The following ACTN3 variants were observed in gnomAD, a reference collection of about 807,000 sequenced individuals.
ACTN3 encodes actinin alpha 3, also known as alpha-actinin-3.
ACTN3 carries 91 observed loss-of-function variants against 119.6 expected under a neutral mutation model. The ratio of observed to expected loss-of-function variants is 0.76; its 90% CI spans 0.64 to 0.91. The LOEUF is 0.91. ACTN3 is among the 40% of genes least tolerant of loss of function. The pLI, the probability that ACTN3 is intolerant of heterozygous loss-of-function variation, is 0.00. For synonymous variants in ACTN3, 456 were observed against 478.8 expected, an observed-to-expected ratio of 0.95 and a Z score of 0.62; for missense variants, 1,221 against 1,215.1, an observed-to-expected ratio of 1.00 and a Z score of -0.07.
chr11:66,555,057 G>C, intron 5 of ACTN3, 73 bp from the exon 6 acceptor site: 1 of 1,351,756 alleles, frequency 7.4e-7, no homozygotes, highest in South Asian at 1.2e-5. Context: ...CTTCTGGGGG[G>C]TGCTCCTGGG....
At position 66,563,288 on chromosome 11, in the gene ACTN3, C is replaced by A; in HGVS notation, c.*95C>A. Reference sequence around the variant, plus strand: ...TCGGAGCAAGGGCCTAAGAGAAAAGCCAGCCAAGTGCTTCTGAATAAAGAT... The same window carrying A: ...TCGGAGCAAGGGCCTAAGAGAAAAGACAGCCAAGTGCTTCTGAATAAAGAT... On this transcript the variant is annotated 3_prime_UTR_variant, in exon 21 of 21. Coordinates refer to ENST00000513398, the MANE Select transcript of ACTN3 (RefSeq NM_001104.4). The A allele has an allele frequency of 2.1e-6, 3 of 1,416,744 alleles. No individual in the cohort carries two copies. The highest frequency in any genetic ancestry group is 2.4e-5 in the East Asian group (1 of 42,110). The allele number at this position is 1,416,744 out of a possible 1,614,324, so 87.8% of individuals were successfully genotyped here.
In ACTN3 at chr11:66,560,659, G is replaced by C; in HGVS notation, c.1764G>C (p.Glu588Asp). The C allele has an allele frequency of 1.2e-6, 2 of 1,613,902 alleles. No individual in the cohort carries two copies. Among genetic ancestry groups the C allele is most frequent in the Non-Finnish European group, 1.7e-6 (2 of 1,179,880 alleles). The change falls in exon 15 of 21, where the codon GAG (glutamate) becomes GAC (aspartate). Residue 588 changes from glutamate (E) to aspartate (D), a missense_variant. Glu to Asp is a conservative substitution (Grantham distance 45, BLOSUM62 2). Coordinates refer to ENST00000513398, the MANE Select transcript of ACTN3 (RefSeq NM_001104.4). ...GTGCCATCATGGGCATCCAGGGTGA[G>C]ATCCAGAAGATCTGCCAGACGTATG... ...ERGAIMGIQG[E>D]IQKICQTYGL...
Position 66,562,052 on chromosome 11 carries a change from A to T in ACTN3, c.2206A>T (p.Thr736Ser). 6.2e-6 allele frequency: 10 copies of T among 1,612,874 alleles called. No individual in the cohort carries two copies. The highest frequency in any genetic ancestry group is 8.5e-6 in the Non-Finnish European group (10 of 1,179,558). ...HIRVGWEQLL[T>S]SIARTINEVE... ...CCGCGTGGGCTGGGAGCAGCTGCTC[A>T]CCTCCATTGCCCGCACCATCAATGA... is the stretch of plus-strand genomic sequence containing the variant. Residue 736 changes from threonine (T) to serine (S), a missense_variant, in exon 18 of 21, where the codon ACC becomes TCC. Thr to Ser is a moderately conservative substitution (Grantham distance 58). Coordinates refer to ENST00000513398, the MANE Select transcript of ACTN3 (RefSeq NM_001104.4).
rs367706008 is a variant in ACTN3, at chr11:66,554,116, G to T, written c.454G>T (p.Asp152Tyr). 2 of 1,613,774 alleles carry T rather than the reference G, an allele frequency of 1.2e-6. No homozygotes were observed. The highest frequency in any genetic ancestry group is 1.7e-6 in the Non-Finnish European group (2 of 1,179,962). ...WTIILRFAIQ[D>Y]ISVEETSAKE... ...CATCATCCTTCGCTTCGCCATCCAG[G>T]ACATCTCTGTGGAAGGTGAGCAATG... Residue 152 changes from aspartate (D) to tyrosine (Y), a missense_variant, in exon 4 of 21, where the codon GAC becomes TAC. This residue lies in a region of ACTN3 where 239 missense variants were observed against 231.8 expected (regional missense o/e 1.03). Transcript: ENST00000513398.
Position 66,546,960 on chromosome 11 carries a change from A to T in ACTN3, c.23A>T (p.Glu8Val), listed in dbSNP as rs369792497. Residue 8 changes from glutamate to valine, a missense_variant, in exon 1 of 21, where the codon GAG becomes GTG. Physicochemically the swap from Glu to Val is moderately radical, Grantham distance 121. This residue lies in a region of ACTN3 where 239 missense variants were observed against 231.8 expected (regional missense o/e 1.03). Transcript: ENST00000513398. Reference protein sequence around the residue: MMMVMQPEGLGAGEGRFA... With the variant: MMMVMQPVGLGAGEGRFA... ...GAGATGATGATGGTTATGCAGCCCG[A>T]GGGTCTGGGGGCCGGGGAGGGGCGC... The T allele has an allele frequency of 4.6e-6, 7 of 1,532,068 alleles. 1 individual carries two copies. The African/African-American group carries it at 9.7e-5, about 21-fold the overall frequency. The allele number at this position is 1,532,068 out of a possible 1,614,324, so 94.9% of individuals were successfully genotyped here. A position where few individuals can be genotyped will look rare whatever the true frequency, so the allele number is the denominator to read the frequency against.
At chr11:66,554,773 A>G (rs1443174443) in intron 5 of ACTN3, 150 bp downstream of exon 5, 1 of 670,254 alleles carries the variant, frequency 1.5e-6, no homozygotes, top group Non-Finnish European at 2.5e-6. Flanking sequence ...AGTGTCTGAA[A>G]AGAGGGCTCA....
In ACTN3 at chr11:66,563,153, T is replaced by C. The variant is rs1359559734; in HGVS notation, c.2666T>C (p.Val889Ala). ...GCCCCGGCTGGAGCCCTGGACTACGTGGCCTTCTCCAGTGCCCTCTATGGG... is the reference window on the plus strand; with the variant it reads ...GCCCCGGCTGGAGCCCTGGACTACGCGGCCTTCTCCAGTGCCCTCTATGGG... ...SGAPAGALDY[V>A]AFSSALYGES... Residue 889 changes from valine (V) to alanine (A), a missense_variant, in exon 21 of 21, where the codon GTG (valine) becomes GCG (alanine). Val to Ala is a moderately conservative substitution (Grantham distance 64). Coordinates refer to ENST00000513398, the MANE Select transcript of ACTN3 (RefSeq NM_001104.4). 6.2e-7 allele frequency: 1 copy of C among 1,613,058 alleles called. No individual in the cohort carries two copies. Among genetic ancestry groups the C allele is most frequent in the Non-Finnish European group, 8.5e-7 (1 of 1,179,528 alleles).
At chr11:66,553,993 A>C (rs1342298113) in intron 3 of ACTN3, 52 bp from the exon 4 acceptor site, 35 of 1,534,128 alleles carry the variant, frequency 2.3e-5, no homozygotes, top group Non-Finnish European at 4.5e-6. Context: ...GAGGCCAGAT[A>C]GCACAGACCT....
At position 66,555,306 on chromosome 11, in the gene ACTN3, G is replaced by C. The variant is rs1390663227; in HGVS notation, c.657G>C (p.Leu219=). The C allele has an allele frequency of 6.2e-7, 1 of 1,614,058 alleles. No homozygotes were observed. Among genetic ancestry groups the C allele is most frequent in the Non-Finnish European group, 8.5e-7 (1 of 1,179,966 alleles). The change falls in exon 7 of 21, where the codon CTG becomes CTC. Residue 219 remains leucine, a synonymous_variant. Coordinates refer to ENST00000513398, the MANE Select transcript of ACTN3 (RefSeq NM_001104.4). ...KLRKDDPIGN[L]NTAFEVAEKY... ...TCTAGGATGACCCCATCGGAAACCT[G>C]AACACTGCCTTTGAGGTGGCAGAGA...
In ACTN3 at chr11:66,546,973, CG is replaced by C. The variant is rs1335753460; in HGVS notation, c.40del (p.Glu14ArgfsTer121). Reference sequence around the variant, plus strand: ...TTATGCAGCCCGAGGGTCTGGGGGCCGGGGAGGGGCGCTTTGCGGGCGGCGG... The same window carrying C: ...TTATGCAGCCCGAGGGTCTGGGGGCCGGGAGGGGCGCTTTGCGGGCGGCGG... ...MVMQPEGLGA[G>X]EGRFAGGGGG... On this transcript the variant is annotated frameshift_variant, in exon 1 of 21. Coordinates refer to ENST00000513398, the MANE Select transcript of ACTN3 (RefSeq NM_001104.4). LOFTEE classifies it high-confidence loss of function. 6.6e-7 allele frequency: 1 copy of C among 1,521,960 alleles called. No individual in the cohort carries two copies. The highest frequency in any genetic ancestry group is 8.8e-7 in the Non-Finnish European group (1 of 1,138,426). The allele number at this position is 1,521,960 out of a possible 1,614,324, so 94.3% of individuals were successfully genotyped here.
In ACTN3 at chr11:66,561,882, C is replaced by T. The variant is rs575236382; in HGVS notation, c.2176-140C>T. The T allele has an allele frequency of 6.4e-6, 7 of 1,095,288 alleles. No homozygotes were observed. The East Asian group carries it at 1.8e-4, about 28-fold the overall frequency. The allele number at this position is 1,095,288 out of a possible 1,614,324, so 67.8% of individuals were successfully genotyped here. ...ACTGCTGGGGTGGGGGTGGGTTACT[C>T]AGTGGAGCCTCCAGATGGGGATGGA... On this transcript the variant is annotated intron_variant, in intron 17 of 20. Transcript: ENST00000513398.
chr11:66,555,223 C>T lies in ACTN3; in HGVS notation c.636+15C>T. 6.2e-7 allele frequency: 1 copy of T among 1,614,020 alleles called. No individual in the cohort carries two copies. The highest frequency in any genetic ancestry group is 8.5e-7 in the Non-Finnish European group (1 of 1,179,932). On this transcript the variant is annotated intron_variant, in intron 6 of 20. Coordinates refer to ENST00000513398, the MANE Select transcript of ACTN3 (RefSeq NM_001104.4). ...AACTGCGAAAGGTAGAGGCCCCCACCACCCCAGCCCAAGGCCTCTGCCTGC... is the reference window on the plus strand; with the variant it reads ...AACTGCGAAAGGTAGAGGCCCCCACTACCCCAGCCCAAGGCCTCTGCCTGC...
chr11:66,559,020 A>ACCAAGG (rs1364636956), intron 11 of ACTN3: 4 of 416,454 alleles, frequency 9.6e-6, no homozygotes, highest in African/African-American at 8.2e-5. Context: ...CCCTGGACGT[A>ACCAAGG]GCTCGCTCAG....
In ACTN3 at chr11:66,551,359, G is replaced by A. The variant is rs1188273008; in HGVS notation, c.262+6G>A. ...GCTCCTGGAGGTCATTTCAGGTGAG[G>A]ATGGCAAATCAGTGCACCTGGGCCC... On this transcript the variant is annotated splice_donor_region_variant and intron_variant, in intron 2 of 20. Transcript: ENST00000513398. The A allele has an allele frequency of 7.1e-5, 113 of 1,598,152 alleles. No homozygotes were observed. The highest frequency in any genetic ancestry group is 9.5e-5 in the Non-Finnish European group (111 of 1,172,218).
intron 12 of ACTN3, among the ~76,000 whole-genome samples, chr11:66,559,594 A>C (rs1590810134): frequency 3.1e-5 from 3 of 97,764 alleles, no homozygotes; most frequent in Admixed American, 1.5e-4. Context: ...CACTCTTCCC[A>C]CTGGCGCTTG....
In ACTN3 at chr11:66,560,030, G is replaced by T. The variant is rs1232650547; in HGVS notation, c.1490G>T (p.Trp497Leu). The part of the protein sequence containing the change: ...NSRCQAICDQ[W>L]DNLGTLTQKR... ...CGCTGCCAGGCCATCTGCGATCAGT[G>T]GGACAACCTGGGCACCCTGACCCAG... is the stretch of plus-strand genomic sequence containing the variant. The change falls in exon 13 of 21, where the codon TGG becomes TTG. Residue 497 changes from tryptophan (W) to leucine (L), a missense_variant. Physicochemically the swap from Trp to Leu is moderately conservative, Grantham distance 61. Coordinates refer to ENST00000513398, the MANE Select transcript of ACTN3 (RefSeq NM_001104.4). 1 of 1,605,200 alleles carries T rather than the reference G, an allele frequency of 6.2e-7. No individual in the cohort carries two copies.
At chr11:66,550,533 T>C (rs1857448383) in intron 1 of ACTN3, among the ~76,000 whole-genome samples, 1 of 152,036 alleles carries the variant, frequency 6.6e-6, no homozygotes, top group Non-Finnish European at 1.5e-5. Context: ...GGCAGGAGGA[T>C]CACTTGAGCC....
intron 19 of ACTN3, 94 bp downstream of exon 19, chr11:66,562,416 T>C (rs1019922282): frequency 1.5e-6 from 2 of 1,333,606 alleles, no homozygotes; most frequent in Non-Finnish European, 1.1e-6. Context: ...ACATACACCA[T>C]CCCCTGCATC....
chr11:66,560,223 G>A lies in ACTN3; in HGVS notation c.1589G>A (p.Arg530Gln), dbSNP rs779925641. The A allele has an allele frequency of 3.7e-6, 6 of 1,611,926 alleles. No individual in the cohort carries two copies. The highest frequency in any genetic ancestry group is 4.2e-6 in the Non-Finnish European group (5 of 1,179,088). ...GACCGGCTGCAACTGGAGTTTGCCC[G>A]GCGGGCCGCGCCCTTCAACAACTGG... ...TIDRLQLEFA[R>Q]RAAPFNNWLD... The change falls in exon 14 of 21, where the codon CGG (arginine) becomes CAG (glutamine). Residue 530 changes from arginine (R) to glutamine (Q), a missense_variant. By Grantham distance (43) the Arg-to-Gln change is conservative (BLOSUM62 1). Transcript: ENST00000513398.
Sources: allele counts gnomAD v4.1 joint callset (sites outside exome capture counted in the v4.1 genomes callset), GRCh38; gene constraint gnomAD v4.1.1; regional missense constraint gnomAD v4.1.1; transcripts MANE v1.5; gene names NCBI Gene and HGNC (gene_info 2026-07-23, HGNC 2026-07-21).